The following SEC24A variants were observed in gnomAD, a reference collection of about 807,000 sequenced individuals.
SEC24A encodes the protein protein transport protein Sec24A.
Under a neutral mutation model 129.4 loss-of-function variants are expected in SEC24A, and 93 were observed. That is an observed-to-expected ratio of 0.72 (90% CI 0.61 to 0.85). The LOEUF is 0.85. Among genes scored for constraint, SEC24A ranks in the 40% least tolerant of loss-of-function variants. The pLI, the probability that SEC24A is intolerant of heterozygous loss-of-function variation, is 0.00. For synonymous variants in SEC24A, 460 were observed against 467.3 expected (o/e 0.98, Z 0.20); for missense variants, 1,264 against 1,307.4 (o/e 0.97, Z 0.51).
At chr5:134,695,804 A>G (rs1751803910) in intron 13 of SEC24A, among the ~76,000 whole-genome samples, 1 of 151,442 alleles carries the variant, frequency 6.6e-6, no homozygotes, top group African/African-American at 2.4e-5. Flanking sequence ...AAAAACAAAA[A>G]TTAGCTGGGG....
intron 3 of SEC24A, among the ~76,000 whole-genome samples, chr5:134,670,127 A>G (rs1299751016): frequency 1.3e-5 from 2 of 152,036 alleles, no homozygotes; most frequent in Admixed American, 6.6e-5. Context: ...GGGTTTTCCC[A>G]TGTTGCCCAG....
At chr5:134,678,220 A>G (rs1054950607) in intron 7 of SEC24A, among the ~76,000 whole-genome samples, 2 of 152,168 alleles carry the variant, frequency 1.3e-5, no homozygotes, top group Non-Finnish European at 2.9e-5. Flanking sequence ...TATGTAGGAT[A>G]AACTTTAACT....
intron 7 of SEC24A, among the ~76,000 whole-genome samples, chr5:134,679,224 A>AT (rs1424273242): frequency 2.0e-5 from 3 of 149,240 alleles, no homozygotes; most frequent in Non-Finnish European, 4.5e-5. Context: ...CACTGGGCTA[A>AT]TTTTTTAAAT....
chr5:134,726,001 C>T lies in SEC24A; in HGVS notation c.*907C>T, dbSNP rs1752750228. The T allele has an allele frequency of 6.6e-6, 1 of 152,172 alleles. No individual in the cohort carries two copies. Among genetic ancestry groups the T allele is most frequent in the Non-Finnish European group, 1.5e-5 (1 of 67,916 alleles). 9.4% of individuals were successfully genotyped at this position (152,172 alleles called of 1,614,324 possible). ...AAATGAAAGGTTTCTAAAGTGCTAT[C>T]CAAATACATCAGTAACATTTTTCTA... is the stretch of plus-strand genomic sequence containing the variant. On this transcript the variant is annotated 3_prime_UTR_variant, in exon 23 of 23. Coordinates refer to ENST00000398844, the MANE Select transcript of SEC24A (RefSeq NM_021982.3).
Position 134,649,022 on chromosome 5 carries a change from C to A in SEC24A, c.-55C>A. On this transcript the variant is annotated 5_prime_UTR_variant, in exon 1 of 23. Transcript: ENST00000398844. The stretch of plus-strand genomic sequence containing the variant: ...TCCGCTTTCAGCAGTGGTCTTTCAG[C>A]TCTCTTCTTGTGCGCTGTTGTCGAC... The A allele has an allele frequency of 7.7e-7, 1 of 1,300,320 alleles. No individual in the cohort carries two copies. The highest frequency in any genetic ancestry group is 1.1e-6 in the Non-Finnish European group (1 of 915,834). 80.5% of individuals were successfully genotyped at this position (1,300,320 alleles called of 1,614,324 possible). A position where few individuals can be genotyped will look rare whatever the true frequency, so the allele number is the denominator to read the frequency against.
At chr5:134,697,852 A>T in intron 14 of SEC24A, 47 bp from the exon 15 acceptor site, 5 of 1,558,500 alleles carry the variant, frequency 3.2e-6, no homozygotes, top group Non-Finnish European at 4.3e-6. Flanking sequence ...TTGGTGTAGT[A>T]GAAATAGTTA....
intron 1 of SEC24A, 105 bp downstream of exon 1, chr5:134,649,278 G>C (rs1275130312): frequency 1.3e-6 from 1 of 796,104 alleles, no homozygotes; most frequent in East Asian, 3.2e-5. Flanking sequence ...CCTCCTTACC[G>C]GGTTCTGGCG....
chr5:134,648,972 A>T lies in SEC24A; in HGVS notation c.-105A>T, dbSNP rs1580667709. ...GCCCCCCCCTCTTCTCCCAGTCTTC[A>T]GTCTTAAGTCGTTAGCCTCCTCCCT... is the stretch of plus-strand genomic sequence containing the variant. On this transcript the variant is annotated 5_prime_UTR_variant, in exon 1 of 23. Coordinates refer to ENST00000398844, the MANE Select transcript of SEC24A (RefSeq NM_021982.3). 2.7e-6 allele frequency: 2 copies of T among 731,642 alleles called. No homozygotes were observed. The highest frequency in any genetic ancestry group is 1.9e-5 in the South Asian group (1 of 52,544). 45.3% of individuals were successfully genotyped at this position (731,642 alleles called of 1,614,324 possible). A position where few individuals can be genotyped will look rare whatever the true frequency, so the allele number is the denominator to read the frequency against.
intron 20 of SEC24A, among the ~76,000 whole-genome samples, chr5:134,720,563 AAAGG>A (rs1752601136): frequency 1.3e-5 from 2 of 152,322 alleles, no homozygotes; most frequent in African/African-American, 4.8e-5. Context: ...TAATTCAGTT[AAAGG>A]CTGTACAATC....
At position 134,705,389 on chromosome 5, in the gene SEC24A, T is replaced by C. The variant is rs778945917; in HGVS notation, c.2503T>C (p.Phe835Leu). 1.2e-6 allele frequency: 2 copies of C among 1,613,444 alleles called. No individual in the cohort carries two copies. Among genetic ancestry groups the C allele is most frequent in the Non-Finnish European group, 1.7e-6 (2 of 1,179,748 alleles). Residue 835 changes from phenylalanine to leucine, a missense_variant, in exon 17 of 23, where the codon TTT (phenylalanine) becomes CTT (leucine). By Grantham distance (22) the Phe-to-Leu change is conservative. Transcript: ENST00000398844. ...LPVVSTLNDV[F>L]LGADVQAISG... is the part of the protein sequence containing the mutation. ...AGTAGTTTCGACTCTGAATGATGTC[T>C]TTCTTGGAGCTGATGTTCAAGCAAT...
chr5:134,692,190 G>T (rs1751680803), intron 11 of SEC24A, among the ~76,000 whole-genome samples: 2 of 151,582 alleles, frequency 1.3e-5, no homozygotes, highest in African/African-American at 4.8e-5. Context: ...GGGACTATAG[G>T]CATGTACCAC....
intron 1 of SEC24A, among the ~76,000 whole-genome samples, chr5:134,650,450 A>G (rs948925958): frequency 7.2e-5 from 11 of 152,174 alleles, no homozygotes; most frequent in African/African-American, 2.4e-4. Context: ...TTGAAATGTT[A>G]AAGGGATTTG....
intron 21 of SEC24A, 62 bp downstream of exon 21, chr5:134,721,152 TC>T (rs1412776495): frequency 2.1e-6 from 2 of 944,710 alleles, no homozygotes; most frequent in African/African-American, 3.3e-5. Flanking sequence ...AACATGAATA[TC>T]CCCTATTTTG....
intron 10 of SEC24A, among the ~76,000 whole-genome samples, chr5:134,687,236 A>G (rs1303950176): frequency 1.3e-5 from 2 of 152,190 alleles, no homozygotes; most frequent in African/African-American, 4.8e-5. Context: ...ATACTGTTTT[A>G]CCTATACGTA....
intron 1 of SEC24A, among the ~76,000 whole-genome samples, chr5:134,657,932 T>C (rs1750302801): frequency 6.6e-6 from 1 of 152,174 alleles, no homozygotes; most frequent in African/African-American, 2.4e-5. Context: ...GTAAACTTCA[T>C]AGGGTTATAG....
rs111847151 is a variant in SEC24A at position 134,695,691 on chromosome 5, A to G, written c.1987-1435A>G. 3.7e-3 allele frequency among the ~76,000 whole-genome samples: 556 copies of G among 152,234 alleles called. 3 individuals carry two copies. Among genetic ancestry groups the G allele is most frequent in the African/African-American group, 0.013 (532 of 41,562 alleles). On this transcript the variant is annotated intron_variant, in intron 13 of 22. Coordinates refer to ENST00000398844, the MANE Select transcript of SEC24A (RefSeq NM_021982.3). ...TCCCAGCTACTCAGGAGGCTGAGGC[A>G]GGAGAATTGCTTGAACCTGGGAGGT...
At chr5:134,704,230 C>T (rs1019714548) in intron 16 of SEC24A, among the ~76,000 whole-genome samples, 24 of 152,040 alleles carry the variant, frequency 1.6e-4, no homozygotes, top group African/African-American at 5.6e-4. Context: ...CCACCACATC[C>T]AGCTAATTTT....
At chr5:134,652,195 T>C (rs1750080494) in intron 1 of SEC24A, among the ~76,000 whole-genome samples, 1 of 152,040 alleles carries the variant, frequency 6.6e-6, no homozygotes, top group African/African-American at 2.4e-5. Context: ...GTGCTGGGAT[T>C]ACAGGCGTGA....
chr5:134,713,174 A>G (rs954779476), intron 18 of SEC24A, among the ~76,000 whole-genome samples: 5 of 151,092 alleles, frequency 3.3e-5, no homozygotes, highest in Non-Finnish European at 5.9e-5. Context: ...CTTGTGATCC[A>G]CCCGCCTCGG....
Sources: allele counts gnomAD v4.1 joint callset (sites outside exome capture counted in the v4.1 genomes callset), GRCh38; gene constraint gnomAD v4.1.1; transcripts MANE v1.5; gene names NCBI Gene and HGNC (gene_info 2026-07-23, HGNC 2026-07-21).